METTL21A: variants seen among roughly 807,000 people sequenced by gnomAD.
METTL21A encodes the protein protein N-lysine methyltransferase METTL21A.
In METTL21A, 22 loss-of-function variants were observed where a neutral mutation model predicts 20.9. That is an observed-to-expected ratio of 1.05 (90% CI 0.75 to 1.50). METTL21A has a LOEUF of 1.50. Among genes scored for constraint, METTL21A ranks in the 40% most tolerant of loss-of-function variants. METTL21A has a pLI of 0.00. For synonymous variants in METTL21A, 93 were observed against 102.0 expected (o/e 0.91, Z 0.53); for missense variants, 271 against 266.8 (o/e 1.02, Z -0.11).
chr2:207,606,603 CTG>C (rs1385219218), downstream of METTL21A, among the ~76,000 whole-genome samples: 1 of 152,184 alleles, frequency 6.6e-6, no homozygotes, highest in African/African-American at 2.4e-5. Flanking sequence ...TCTATACTCA[CTG>C]TACTTACCAA....
downstream of METTL21A, among the ~76,000 whole-genome samples, chr2:207,604,117 A>C (rs1015945913): frequency 6.6e-6 from 1 of 152,226 alleles, no homozygotes; most frequent in Non-Finnish European, 1.5e-5. Context: ...TGTTCTAAGC[A>C]AATCGGAATC....
At chr2:207,592,165 C>T (rs1301770679) in intron 3 of METTL21A, among the ~76,000 whole-genome samples, 2 of 152,044 alleles carry the variant, frequency 1.3e-5, no homozygotes, top group Non-Finnish European at 2.9e-5. Flanking sequence ...AAAGATGTCA[C>T]TTAAGGCTGA....
At chr2:207,586,166 G>GGC (rs1265854721) in intron 3 of METTL21A, among the ~76,000 whole-genome samples, 1 of 152,130 alleles carries the variant, frequency 6.6e-6, no homozygotes, top group Non-Finnish European at 1.5e-5. Context: ...CAACATGGAA[G>GGC]GCATCACACT....
intron 3 of METTL21A, chr2:207,600,836 CAT>C (rs1007177282): frequency 1.5e-5 from 3 of 206,128 alleles, no homozygotes; most frequent in Non-Finnish European, 2.0e-5. Flanking sequence ...TTTGGGGTGA[CAT>C]GTGGAATCAT....
At chr2:207,624,061 T>A (rs1004848289) in intron 2 of METTL21A, among the ~76,000 whole-genome samples, 168 bp downstream of exon 2, 1 of 152,184 alleles carries the variant, frequency 6.6e-6, no homozygotes, top group Non-Finnish European at 1.5e-5. Context: ...GTTGCACTAC[T>A]CTGTGAATAT....
chr2:207,622,975 C>A (rs1470571291), intron 2 of METTL21A, among the ~76,000 whole-genome samples: 2 of 151,602 alleles, frequency 1.3e-5, no homozygotes, highest in Non-Finnish European at 2.9e-5. Flanking sequence ...TGGTGCAATC[C>A]CAGCTCCCTG....
At chr2:207,589,449 A>G (rs977350293) in intron 3 of METTL21A, among the ~76,000 whole-genome samples, 3 of 152,198 alleles carry the variant, frequency 2.0e-5, no homozygotes, top group African/African-American at 4.8e-5. Flanking sequence ...TAATTTTCCT[A>G]TTTTAAGGTC....
chr2:207,591,197 A>G (rs568832155), intron 3 of METTL21A, among the ~76,000 whole-genome samples: 2 of 152,278 alleles, frequency 1.3e-5, no homozygotes, highest in South Asian at 2.1e-4. Context: ...TACTTAGTCT[A>G]TCATCACTGA....
chr2:207,623,857 G>GA (rs896067181), intron 2 of METTL21A, among the ~76,000 whole-genome samples: 16 of 151,922 alleles, frequency 1.1e-4, no homozygotes, highest in Non-Finnish European at 2.1e-4. Flanking sequence ...TGTCTCAAAA[G>GA]AAAAAAAGAC....
intron 3 of METTL21A, among the ~76,000 whole-genome samples, chr2:207,618,281 G>T (rs933729838): frequency 3.2e-4 from 49 of 152,154 alleles, no homozygotes; most frequent in African/African-American, 1.1e-3. Context: ...CCTCTTATCT[G>T]CAAGGGATAT....
exon 4 of METTL21A, chr2:207,613,410 G>T: frequency 6.2e-7 from 1 of 1,604,346 alleles, no homozygotes. Flanking sequence ...AAATTCTAAT[G>T]CTACTTTTCG....
At chr2:207,604,050 TG>T (rs1191890101) in intron 3 of METTL21A, among the ~76,000 whole-genome samples, 1 of 152,160 alleles carries the variant, frequency 6.6e-6, no homozygotes, top group African/African-American at 2.4e-5. Context: ...TTGCACAAAA[TG>T]AGACATTTTG....
chr2:207,624,409 C>T lies in METTL21A; in HGVS notation c.-29-5G>A. 1 of 1,593,136 alleles carries T rather than the reference C, an allele frequency of 6.3e-7. No homozygotes were observed. Among genetic ancestry groups the T allele is most frequent in the Non-Finnish European group, 8.5e-7 (1 of 1,172,016 alleles). ...CACCCCGCCCTCTGCTCAGACCTGC[C>T]GTGCAAAAGAATCCTGGGTGACGCT... On this transcript the variant is annotated splice_polypyrimidine_tract_variant and splice_region_variant and intron_variant, in intron 1 of 3. Transcript: ENST00000406927.
chr2:207,598,722 C>G (rs2086579871), intron 3 of METTL21A: 1 of 164,516 alleles, frequency 6.1e-6, no homozygotes, highest in African/African-American at 2.4e-5. Context: ...TGGCTGGCGC[C>G]TGTAATCCCA....
chr2:207,606,857 A>G (rs1325296472), downstream of METTL21A, among the ~76,000 whole-genome samples: 1 of 152,202 alleles, frequency 6.6e-6, no homozygotes, highest in Non-Finnish European at 1.5e-5. Context: ...CTTCCCATAA[A>G]TAGCAATTAA....
intron 3 of METTL21A, among the ~76,000 whole-genome samples, chr2:207,596,293 T>C (rs1452965727): frequency 6.6e-6 from 1 of 152,250 alleles, no homozygotes; most frequent in African/African-American, 2.4e-5. Flanking sequence ...TGTTACACAT[T>C]GAAATTTAGC....
At chr2:207,593,805 G>C (rs1200625897) in intron 3 of METTL21A, among the ~76,000 whole-genome samples, 8 of 146,982 alleles carry the variant, frequency 5.4e-5, no homozygotes. Context: ...TGCAATCTCT[G>C]CCTCCTGGGT....
chr2:207,624,175 A>G, intron 2 of METTL21A, 54 bp downstream of exon 2: 1 of 1,518,526 alleles, frequency 6.6e-7, no homozygotes. Context: ...ATAAAAAATA[A>G]AAGCCAGTCT....
chr2:207,620,548 G>A, intron 3 of METTL21A: 1 of 960,530 alleles, frequency 1.0e-6, no homozygotes, highest in Non-Finnish European at 1.5e-6. Context: ...CAGGACTTCA[G>A]AAAGTAGCTT....
Sources: allele counts gnomAD v4.1 joint callset (sites outside exome capture counted in the v4.1 genomes callset), GRCh38; gene constraint gnomAD v4.1.1; transcripts MANE v1.5; gene names NCBI Gene and HGNC (gene_info 2026-07-23, HGNC 2026-07-21).